Variants in NOTCH1 observed in about 807,000 individuals in gnomAD.
The protein encoded by NOTCH1 is neurogenic locus notch homolog protein 1.
A neutral mutation model predicts 254.8 loss-of-function variants in NOTCH1; 37 were observed. The ratio of observed to expected loss-of-function variants is 0.15; its 90% confidence interval spans 0.11 to 0.19. The LOEUF (loss-of-function observed/expected upper bound fraction) is 0.19. NOTCH1 is among the 10% of genes least tolerant of loss of function. The pLI is 1.00. For missense variants in NOTCH1, 2,972 were observed against 3,708.6 expected, an observed-to-expected ratio of 0.80 and a Z score of 5.16; for synonymous variants, 1,731 against 1,618.1, an observed-to-expected ratio of 1.07 and a Z score of -1.68.
chr9:136,499,314 C>T lies in NOTCH1; in HGVS notation c.5935-55G>A. ...GCTGGGCAGACGTACACCGATGCCT[C>T]CTGCCCAGAACGAACGCCTGGACGG... On this transcript the variant is annotated intron_variant, in intron 31 of 33. Transcript: ENST00000651671. 1.9e-6 allele frequency: 3 copies of T among 1,600,114 alleles called. No homozygotes were observed. The South Asian group carries it at 3.3e-5, about 18-fold the overall frequency.
At chr9:136,509,994 C>G (rs2133351628) in intron 17 of NOTCH1, 33 bp from the exon 18 acceptor site, 1 of 1,589,772 alleles carries the variant, frequency 6.3e-7, no homozygotes, top group Middle Eastern at 1.7e-4. Flanking sequence ...GTGTGAGGGG[C>G]AGGCACAAAC....
chr9:136,509,862 T>G lies in NOTCH1; in HGVS notation c.2840A>C (p.Asn947Thr), dbSNP rs751565489. 1.2e-6 allele frequency: 2 copies of G among 1,613,060 alleles called. No individual in the cohort carries two copies. Among genetic ancestry groups the G allele is most frequent in the South Asian group, 2.2e-5 (2 of 91,080 alleles). ...GCGGCAGGGGTCACTGGCACACTCG[T>G]TGATGTCCTCCTCACAGAAAGTGCC... Reference protein sequence around the residue: ...FRGTFCEEDINECASDPCRNG... With the variant: ...FRGTFCEEDITECASDPCRNG... Residue 947 changes from asparagine (N) to threonine (T), a missense_variant, in exon 18 of 34, where the codon AAC becomes ACC. This residue lies in a region of NOTCH1 where 1,343 missense variants were observed against 1,557.0 expected (regional missense o/e 0.86). Transcript: ENST00000651671.
In NOTCH1 at chr9:136,502,200, C is replaced by A. The variant is rs1843008600; in HGVS notation, c.5384+72G>T. ...TGGGCCCTGGGTCGGGAGGGGCAGA[C>A]TCCCGGTGAGGATGCTCGGCCAGGT... On this transcript the variant is annotated intron_variant, in intron 28 of 33. Transcript: ENST00000651671. 4 of 1,571,484 alleles carry A rather than the reference C, an allele frequency of 2.5e-6. No individual in the cohort carries two copies. In the South Asian group the frequency reaches 4.5e-5, roughly 18 times the overall value.
chr9:136,520,858 C>A (rs983615107), intron 4 of NOTCH1, among the ~76,000 whole-genome samples: 2 of 152,194 alleles, frequency 1.3e-5, no homozygotes, highest in African/African-American at 2.4e-5. Context: ...GGCTGCCCTG[C>A]AAAGCACTGG....
intron 2 of NOTCH1, among the ~76,000 whole-genome samples, chr9:136,538,544 C>A (rs774886356): frequency 1.3e-5 from 2 of 152,216 alleles, no homozygotes; most frequent in Non-Finnish European, 2.9e-5. Flanking sequence ...AACTCGAGGC[C>A]GTCAAACGCA....
rs2133368766 is a variant in NOTCH1 at position 136,517,870 on chromosome 9, C to T, written c.1323G>A (p.Leu441=). Residue 441 remains leucine (L), a synonymous_variant, in exon 8 of 34, where the codon CTG becomes CTA. Coordinates refer to ENST00000651671, the MANE Select transcript of NOTCH1 (RefSeq NM_017617.5). ...CGCATCGGGGGCCCGTGTAGCCCTG[C>T]AGACACTGGCACTCGAAGGAGCCCA... ...NTLGSFECQC[L]QGYTGPRCEI... 1 of 1,612,426 alleles carries T rather than the reference C, an allele frequency of 6.2e-7. No homozygotes were observed. Among genetic ancestry groups the T allele is most frequent in the Non-Finnish European group, 8.5e-7 (1 of 1,179,870 alleles).
chr9:136,500,834 C>T lies in NOTCH1; in HGVS notation c.5652G>A (p.Pro1884=), dbSNP rs766279504. The change falls in exon 31 of 34, where the codon CCG becomes CCA. Residue 1884 remains proline (P), a synonymous_variant. Coordinates refer to ENST00000651671, the MANE Select transcript of NOTCH1 (RefSeq NM_017617.5). ...VNVRGPDGFT[P]LMIASCSGGG... ...CCCCGCTGCAGGAGGCGATCATGAGCGGGGTGAAGCCATCTGCAGAGGCAG... is the reference window on the plus strand; with the variant it reads ...CCCCGCTGCAGGAGGCGATCATGAGTGGGGTGAAGCCATCTGCAGAGGCAG... The T allele has an allele frequency of 6.3e-6, 10 of 1,595,050 alleles. No homozygotes were observed. The highest frequency in any genetic ancestry group is 3.4e-5 in the Admixed American group (2 of 59,488).
intron 8 of NOTCH1, 132 bp downstream of exon 8, chr9:136,517,620 C>T (rs1843296859): frequency 3.4e-6 from 4 of 1,168,862 alleles, no homozygotes; most frequent in African/African-American, 1.5e-5. Flanking sequence ...TCCCCATGCC[C>T]TGTGCAGGCT....
chr9:136,507,542 A>G (rs1284545486), intron 21 of NOTCH1, 105 bp from the exon 22 acceptor site: 1 of 1,484,714 alleles, frequency 6.7e-7, no homozygotes, highest in Non-Finnish European at 9.1e-7. Context: ...AGCTGCCCTC[A>G]GGTCCAGCGA....
In NOTCH1 at chr9:136,508,211, T is replaced by C. The variant is rs3124597; in HGVS notation, c.3325+21A>G. On this transcript the variant is annotated intron_variant, in intron 20 of 33. Transcript: ENST00000651671. Reference sequence around the variant, plus strand: ...GACCTTGATGGGCTGGGACCCGAGCTGGGTGGGCACAGCAGGTTACCTTGT... The same window carrying C: ...GACCTTGATGGGCTGGGACCCGAGCCGGGTGGGCACAGCAGGTTACCTTGT... 0.58 allele frequency: 931,360 copies of C among 1,608,308 alleles called. 277,949 individuals carry two copies. The highest frequency in any genetic ancestry group is 0.9 in the African/African-American group (67,744 of 74,924).
At chr9:136,533,813 C>T (rs61557371) in intron 2 of NOTCH1, among the ~76,000 whole-genome samples, 1 of 152,264 alleles carries the variant, frequency 6.6e-6, no homozygotes, top group East Asian at 1.9e-4. Flanking sequence ...TGCAAATGCA[C>T]CTTAACCTGA....
chr9:136,523,311 T>A (rs1221758971), intron 3 of NOTCH1, 123 bp from the exon 4 acceptor site: 1 of 1,017,438 alleles, frequency 9.8e-7, no homozygotes, highest in Non-Finnish European at 1.5e-6. Flanking sequence ...TCACATTTGA[T>A]CCTCAGGACC....
intron 2 of NOTCH1, among the ~76,000 whole-genome samples, chr9:136,533,533 C>T (rs1371238619): frequency 6.6e-6 from 1 of 152,244 alleles, no homozygotes; most frequent in Non-Finnish European, 1.5e-5. Flanking sequence ...ACCTCCTTCC[C>T]AGATAGTCTC....
In NOTCH1 at chr9:136,523,823, C is replaced by G. The variant is rs1422834428; in HGVS notation, c.297G>C (p.Leu99=). ...CALGFSGPLC[L]TPLDNACLTN... ...TGAGGCAGGCATTGTCCAGGGGTGT[C>G]AGGCAGAGGGGCCCAGAGAAGCCCA... is the stretch of plus-strand genomic sequence containing the variant. Residue 99 remains leucine, a synonymous_variant, in exon 3 of 34, where the codon CTG becomes CTC. Coordinates refer to ENST00000651671, the MANE Select transcript of NOTCH1 (RefSeq NM_017617.5). 1.9e-6 allele frequency: 3 copies of G among 1,611,784 alleles called. No individual in the cohort carries two copies. Among genetic ancestry groups the G allele is most frequent in the Non-Finnish European group, 2.5e-6 (3 of 1,179,614 alleles).
At chr9:136,536,962 A>AG (rs1397671991) in intron 2 of NOTCH1, among the ~76,000 whole-genome samples, 1 of 152,150 alleles carries the variant, frequency 6.6e-6, no homozygotes, top group Non-Finnish European at 1.5e-5. Context: ...CTGGGGGCTA[A>AG]GGGATGCTGA....
intron 2 of NOTCH1, among the ~76,000 whole-genome samples, chr9:136,532,031 A>G (rs566911203): frequency 1.3e-5 from 2 of 152,282 alleles, no homozygotes; most frequent in African/African-American, 4.8e-5. Context: ...ACCCCCTCAG[A>G]GCCTCACTCT....
intron 2 of NOTCH1, among the ~76,000 whole-genome samples, chr9:136,538,868 C>A (rs947882066): frequency 6.6e-6 from 1 of 152,344 alleles, no homozygotes; most frequent in South Asian, 2.1e-4. Context: ...AAGCTAGACG[C>A]CCAATCGATT....
At chr9:136,525,742 G>A (rs1367263496) in intron 2 of NOTCH1, among the ~76,000 whole-genome samples, 2 of 152,184 alleles carry the variant, frequency 1.3e-5, no homozygotes, top group South Asian at 2.1e-4. Flanking sequence ...GCAGTGGCCT[G>A]GGGGGGCCTT....
rs773271446 is a variant in NOTCH1 at position 136,513,377 on chromosome 9, G to A, written c.2353+15C>T. On this transcript the variant is annotated intron_variant, in intron 14 of 33. Transcript: ENST00000651671. This position sits in a 1 kb window ranked among gnomAD's most constrained non-coding sequence, Gnocchi z 4.7. ...AGGGCGGCCCTCTGCACTGAGAAAC[G>A]CGCAGCCCACTCACCGCTGAAGCCC... is the stretch of plus-strand genomic sequence containing the variant. 1.2e-5 allele frequency: 19 copies of A among 1,612,512 alleles called. No homozygotes were observed. Among genetic ancestry groups the A allele is most frequent in the Admixed American group, 1.0e-4 (6 of 59,988 alleles).
Sources: allele counts gnomAD v4.1 joint callset (sites outside exome capture counted in the v4.1 genomes callset), GRCh38; gene constraint gnomAD v4.1.1; regional missense constraint gnomAD v4.1.1; non-coding constraint Gnocchi (gnomAD v3.1); transcripts MANE v1.5; gene names NCBI Gene and HGNC (gene_info 2026-07-23, HGNC 2026-07-21).